Variants in ADGRV1 observed in about 807,000 individuals in gnomAD.
ADGRV1 encodes the protein adhesion G protein-coupled receptor V1.
ADGRV1 carries 359 observed loss-of-function variants against 596.2 expected under a neutral mutation model. That is an observed-to-expected ratio of 0.60 (90% CI 0.55 to 0.66). The LOEUF (loss-of-function observed/expected upper bound fraction) is 0.66. Among genes scored for constraint, ADGRV1 ranks in the 30% least tolerant of loss-of-function variants. The probability of loss-of-function intolerance (pLI) is 0.00; values close to 1 mark genes in which losing one functional copy is unlikely to be tolerated. For missense variants in ADGRV1, 7,274 were observed against 7,575.6 expected (o/e 0.96, Z 1.48); for synonymous variants, 2,681 against 2,679.2 (o/e 1.00, Z -0.02).
At chr5:90,710,725 C>T (rs1442484453) in intron 39 of ADGRV1, among the ~76,000 whole-genome samples, 2 of 151,944 alleles carry the variant, frequency 1.3e-5, no homozygotes, top group Admixed American at 6.6e-5. Context: ...AAATAGTAAT[C>T]TCAGTTGTTT....
chr5:90,783,756 T>C, intron 66 of ADGRV1, 82 bp from the exon 67 acceptor site: 15 of 1,065,550 alleles, frequency 1.4e-5, no homozygotes, highest in Non-Finnish European at 2.0e-5. Context: ...GTATGACCAA[T>C]TTGGAAAATG....
At chr5:90,728,960 A>T in intron 49 of ADGRV1, 27 bp downstream of exon 49, 1 of 1,446,892 alleles carries the variant, frequency 6.9e-7, no homozygotes, top group South Asian at 1.3e-5. Flanking sequence ...TTTGTAGTGT[A>T]TATATAATTA....
intron 57 of ADGRV1, among the ~76,000 whole-genome samples, chr5:90,757,667 A>G (rs146878686): frequency 1.4e-3 from 217 of 152,338 alleles, no homozygotes; most frequent in African/African-American, 4.8e-3. Flanking sequence ...TGAAAAATTG[A>G]AAAACAATAT....
intron 6 of ADGRV1, 81 bp downstream of exon 6, chr5:90,625,324 G>A: frequency 1.2e-6 from 1 of 800,112 alleles, no homozygotes; most frequent in South Asian, 1.7e-5. Context: ...GTGTATTGTG[G>A]CCAGTCGCAC....
Position 90,629,356 on chromosome 5 carries a change from G to T in ADGRV1, c.1656G>T (p.Arg552Ser). 2.5e-6 allele frequency: 4 copies of T among 1,613,610 alleles called. No individual in the cohort carries two copies. The highest frequency in any genetic ancestry group is 3.4e-6 in the Non-Finnish European group (4 of 1,179,820). The change falls in exon 9 of 90, where the codon AGG (arginine) becomes AGT (serine). Residue 552 changes from arginine to serine, a missense_variant. This residue lies in a region of ADGRV1 where 1,715 missense variants were observed against 1,708.8 expected (regional missense o/e 1.00). Transcript: ENST00000405460. ...TAGGAGGGACTAAAGGAGATGTGAG[G>T]TTGCTTTATTCTGTACTTTACATTC... is the stretch of plus-strand genomic sequence containing the variant. ...TRLGGTKGDV[R>S]LLYSVLYIPA...
chr5:90,620,193 T>C (rs1444779042), intron 4 of ADGRV1, among the ~76,000 whole-genome samples: 1 of 152,184 alleles, frequency 6.6e-6, no homozygotes, highest in Admixed American at 6.5e-5. Flanking sequence ...TCCACAATGG[T>C]TGAACTAGTT....
chr5:90,619,038 ATTATT>A lies in ADGRV1; in HGVS notation c.358-40_358-36del, dbSNP rs949529145. ...TTCTACAAAAATAAATTTTTAACTT[ATTATT>A]TTATTTTTAATTCATTATTTTATTT... On this transcript the variant is annotated intron_variant, in intron 3 of 89. Coordinates refer to ENST00000405460, the MANE Select transcript of ADGRV1 (RefSeq NM_032119.4). The A allele has an allele frequency of 2.2e-5, 19 of 876,464 alleles. No individual in the cohort carries two copies. In the African/African-American group the frequency reaches 3.1e-4, roughly 15 times the overall value. The allele number at this position is 876,464 out of a possible 1,614,324, so 54.3% of individuals were successfully genotyped here. A position where few individuals can be genotyped will look rare whatever the true frequency, so the allele number is the denominator to read the frequency against.
intron 89 of ADGRV1, among the ~76,000 whole-genome samples, chr5:91,161,546 A>AT (rs1242271875): frequency 8.0e-6 from 1 of 124,570 alleles, no homozygotes; most frequent in Non-Finnish European, 1.7e-5. Context: ...CAGAAATCTG[A>AT]TTTTTTTGAT....
At position 90,615,327 on chromosome 5, in the gene ADGRV1, A is replaced by T. The variant is rs373701115; in HGVS notation, c.207+308A>T. On this transcript the variant is annotated intron_variant, in intron 2 of 89. Transcript: ENST00000405460. Reference sequence around the variant, plus strand: ...TTGGATTGTAGCTATCTCTGCTCAGATATACTATCTATTGTAAGGTGGTGT... The same window carrying T: ...TTGGATTGTAGCTATCTCTGCTCAGTTATACTATCTATTGTAAGGTGGTGT... Among the ~76,000 whole-genome samples, 16 of 152,058 alleles carry T rather than the reference A, an allele frequency of 1.1e-4. No homozygotes were observed. In the South Asian group the frequency reaches 2.9e-3, roughly 28 times the overall value.
intron 2 of ADGRV1, among the ~76,000 whole-genome samples, chr5:90,616,147 T>A (rs1377621164): frequency 1.3e-5 from 2 of 152,056 alleles, no homozygotes; most frequent in Non-Finnish European, 2.9e-5. Context: ...TCTCAAGTAT[T>A]TAAAACTTAA....
At chr5:91,081,465 C>T (rs1789371103) in intron 86 of ADGRV1, among the ~76,000 whole-genome samples, 1 of 151,980 alleles carries the variant, frequency 6.6e-6, no homozygotes. Flanking sequence ...CATCTAATGA[C>T]AATCATTAGG....
intron 85 of ADGRV1, among the ~76,000 whole-genome samples, chr5:91,064,064 A>T (rs1336191287): frequency 2.0e-5 from 3 of 152,148 alleles, no homozygotes; most frequent in Non-Finnish European, 2.9e-5. Context: ...TTGGATTATG[A>T]TTGAGCTGAG....
chr5:90,742,314 A>G (rs1257764477), intron 50 of ADGRV1, among the ~76,000 whole-genome samples: 1 of 152,220 alleles, frequency 6.6e-6, no homozygotes, highest in African/African-American at 2.4e-5. Flanking sequence ...TTAAGGAAGA[A>G]TCATTTAATT....
intron 5 of ADGRV1, among the ~76,000 whole-genome samples, chr5:90,624,248 G>A (rs372636767): frequency 4.0e-4 from 61 of 152,246 alleles, no homozygotes; most frequent in African/African-American, 1.4e-3. Flanking sequence ...TACACTGGAA[G>A]CATTACACAG....
intron 1 of ADGRV1, among the ~76,000 whole-genome samples, chr5:90,579,437 A>G (rs10074390): frequency 0.089 from 13,588 of 152,036 alleles, 1,908 homozygotes; most frequent in African/African-American, 0.31. Context: ...TCTTAATCCC[A>G]AGTTCTAATT....
intron 78 of ADGRV1, among the ~76,000 whole-genome samples, chr5:90,844,623 C>A (rs1765705350): frequency 6.6e-6 from 1 of 152,182 alleles, no homozygotes; most frequent in Non-Finnish European, 1.5e-5. Flanking sequence ...TGCTAACTTT[C>A]AATTTCGTCA....
chr5:90,862,782 A>G (rs1043660480), intron 82 of ADGRV1, among the ~76,000 whole-genome samples: 1 of 151,992 alleles, frequency 6.6e-6, no homozygotes, highest in Non-Finnish European at 1.5e-5. Context: ...ATATAACTCA[A>G]ATGGTTTCTC....
At chr5:91,131,180 T>G (rs1794183311) in intron 87 of ADGRV1, among the ~76,000 whole-genome samples, 1 of 152,250 alleles carries the variant, frequency 6.6e-6, no homozygotes, top group African/African-American at 2.4e-5. Context: ...TTTTGGTTAT[T>G]TGAGAAATCT....
At chr5:90,614,328 T>G (rs1300984278) in intron 1 of ADGRV1, 2 of 297,240 alleles carry the variant, frequency 6.7e-6, no homozygotes, top group Non-Finnish European at 1.3e-5. Context: ...AGAATTTCTT[T>G]GCAATAACTA....
Sources: gnomAD v4.1 joint callset for allele counts (sites outside exome capture counted in the v4.1 genomes callset) on GRCh38, gnomAD v4.1.1 for gene constraint, gnomAD v4.1.1 regional missense constraint, MANE v1.5 for transcripts, NCBI Gene and HGNC (gene_info 2026-07-23, HGNC 2026-07-21) for gene names.